Variants in RBM27 observed in about 807,000 individuals in gnomAD.
The protein encoded by RBM27 is RNA-binding protein 27.
In RBM27, 22 loss-of-function variants were observed where a neutral mutation model predicts 135.3. The observed-to-expected ratio is 0.16, with a 90% confidence interval of 0.12 to 0.23. RBM27 has a LOEUF of 0.23. Ranked by LOEUF, RBM27 falls within the 10% of genes least tolerant of loss-of-function variation. The pLI is 1.00. For missense variants in RBM27, 1,009 were observed against 1,281.0 expected (o/e 0.79, Z 3.24); for synonymous variants, 481 against 442.4 (o/e 1.09, Z -1.10).
chr5:146,281,821 A>T (rs1357233122), intron 19 of RBM27, among the ~76,000 whole-genome samples: 1 of 152,212 alleles, frequency 6.6e-6, no homozygotes, highest in Non-Finnish European at 1.5e-5. Context: ...ATATTAGAGT[A>T]GTATTCTGCC....
intron 13 of RBM27, among the ~76,000 whole-genome samples, chr5:146,263,162 G>T (rs1209853388): frequency 1.3e-5 from 2 of 152,118 alleles, no homozygotes; most frequent in African/African-American, 4.8e-5. Context: ...GGGATTATAT[G>T]TGTGAGCCAC....
chr5:146,228,861 CCTGGACCTCGTAAAATGTT>C lies in RBM27; in HGVS notation c.304-84_304-66del, dbSNP rs958834088. 7 of 1,066,758 alleles carry C rather than the reference CCTGGACCTCGTAAAATGTT, an allele frequency of 6.6e-6. No individual in the cohort carries two copies. The Admixed American group carries it at 1.3e-4, about 21-fold the overall frequency. 66.1% of individuals were successfully genotyped at this position (1,066,758 alleles called of 1,614,324 possible). A position where few individuals can be genotyped will look rare whatever the true frequency, so the allele number is the denominator to read the frequency against. On this transcript the variant is annotated intron_variant, in intron 3 of 20. Transcript: ENST00000265271. ...ATCCTGGCCTCAAGCAGTCTTCCCA[CCTGGACCTCGTAAAATGTT>C]GGGATTACAGGTGTGAGCCACCGTG...
At chr5:146,219,219 A>T (rs150605270) in intron 2 of RBM27, 116 bp downstream of exon 2, 2 of 638,852 alleles carry the variant, frequency 3.1e-6, no homozygotes, top group African/African-American at 1.8e-5. Flanking sequence ...AGTCCTTTGA[A>T]TACTTGAATA....
intron 9 of RBM27, 127 bp from the exon 10 acceptor site, chr5:146,254,816 T>C: frequency 1.3e-6 from 1 of 799,832 alleles, no homozygotes; most frequent in Non-Finnish European, 1.9e-6. Flanking sequence ...TACTGAGAGG[T>C]GACTGTAGGT....
intron 8 of RBM27, among the ~76,000 whole-genome samples, chr5:146,251,399 A>G (rs1383073951): frequency 6.6e-6 from 1 of 152,188 alleles, no homozygotes; most frequent in Non-Finnish European, 1.5e-5. Flanking sequence ...CCTTTGTCTA[A>G]TAACCTGATA....
chr5:146,248,235 T>TA (rs1757716717), intron 8 of RBM27, among the ~76,000 whole-genome samples: 1 of 54,884 alleles, frequency 1.8e-5, no homozygotes, highest in Admixed American at 2.0e-4. Flanking sequence ...CTTCTGCTAG[T>TA]TTTTTTTTTT....
At chr5:146,212,456 C>G (rs1176048251) in intron 1 of RBM27, among the ~76,000 whole-genome samples, 4 of 151,688 alleles carry the variant, frequency 2.6e-5, no homozygotes, top group African/African-American at 9.7e-5. Flanking sequence ...TCAGACAATC[C>G]TCCCACTTCA....
Position 146,271,543 on chromosome 5 carries a change from G to A in RBM27, c.2857G>A (p.Gly953Arg), listed in dbSNP as rs144987854. ...AAAGACCATGTCCTCTCAAGGTCGAGGAAGAGGCCGAGGGCGTGGAGGAAG... is the reference window on the plus strand; with the variant it reads ...AAAGACCATGTCCTCTCAAGGTCGAAGAAGAGGCCGAGGGCGTGGAGGAAG... ...RGKTMSSQGRGRGRGRGGRGR... is the reference protein window; with the variant it reads ...RGKTMSSQGRRRGRGRGGRGR... Residue 953 changes from glycine to arginine, a missense_variant, in exon 19 of 21, where the codon GGA becomes AGA. Around this residue, in one of 6 missense-constraint regions of RBM27, gnomAD observed 355 missense variants for 427.3 expected, o/e 0.83. Transcript: ENST00000265271. 6.2e-7 allele frequency: 1 copy of A among 1,613,792 alleles called. No homozygotes were observed. Among genetic ancestry groups the A allele is most frequent in the Non-Finnish European group, 8.5e-7 (1 of 1,179,780 alleles).
intron 7 of RBM27, 89 bp downstream of exon 7, chr5:146,233,832 T>A (rs1207586419): frequency 2.2e-6 from 2 of 896,370 alleles, no homozygotes; most frequent in Non-Finnish European, 3.1e-6. Flanking sequence ...TTTAAAGTGT[T>A]TGAGAAATAG....
At chr5:146,275,292 C>T (rs750426026) in intron 19 of RBM27, among the ~76,000 whole-genome samples, 37 of 151,346 alleles carry the variant, frequency 2.4e-4, no homozygotes, top group Admixed American at 7.2e-4. Flanking sequence ...TTTTTGGAGA[C>T]GGAGTCTTGC....
chr5:146,223,824 A>G (rs1445960427), intron 3 of RBM27, among the ~76,000 whole-genome samples: 1 of 152,222 alleles, frequency 6.6e-6, no homozygotes, highest in African/African-American at 2.4e-5. Context: ...AGATTGACTG[A>G]AAGTGAACTG....
chr5:146,234,516 A>AT (rs201639574), intron 7 of RBM27, among the ~76,000 whole-genome samples: 389 of 4,908 alleles, frequency 0.079, 3 homozygotes, highest in Non-Finnish European at 0.2. Context: ...TGTTTTTGTT[A>AT]TTTAAAAAAA....
At position 146,258,488 on chromosome 5, in the gene RBM27, T is replaced by C. The variant is rs578261741; in HGVS notation, c.1634T>C (p.Val545Ala). 6.2e-7 allele frequency: 1 copy of C among 1,602,398 alleles called. No homozygotes were observed. Among genetic ancestry groups the C allele is most frequent in the East Asian group, 2.3e-5 (1 of 44,106 alleles). Residue 545 changes from valine (V) to alanine (A), a missense_variant, in exon 11 of 21, where the codon GTT becomes GCT. Physicochemically the swap from Val to Ala is moderately conservative, Grantham distance 64 (BLOSUM62 0). Transcript: ENST00000265271. Reference sequence around the variant, plus strand: ...ATCCAGACTGAACCACCAGTTCCTGTTTCGATTAATAGCAACATAACCAGA... The same window carrying C: ...ATCCAGACTGAACCACCAGTTCCTGCTTCGATTAATAGCAACATAACCAGA... The part of the protein sequence containing the change: ...IVIQTEPPVP[V>A]SINSNITRVV...
At chr5:146,213,545 A>G (rs1212623943) in intron 1 of RBM27, among the ~76,000 whole-genome samples, 1 of 152,200 alleles carries the variant, frequency 6.6e-6, no homozygotes, top group East Asian at 1.9e-4. Context: ...TTAGATCCAT[A>G]TTCAGAAACA....
chr5:146,233,600 C>A lies in RBM27; in HGVS notation c.1001C>A (p.Pro334His). The A allele has an allele frequency of 6.2e-7, 1 of 1,611,872 alleles. No homozygotes were observed. Among genetic ancestry groups the A allele is most frequent in the South Asian group, 1.1e-5 (1 of 90,948 alleles). ...CCACCACCTCCTGGAATGTTAATGC[C>A]TCCAATGCCAGGTCCAGGCCCAGGC... The part of the protein sequence containing the change: ...PPPPPPGMLM[P>H]PMPGPGPGPG... The change falls in exon 7 of 21, where the codon CCT becomes CAT. Residue 334 changes from proline to histidine, a missense_variant. Pro to His is a moderately conservative substitution (Grantham distance 77). This residue lies in a region of RBM27 where 329 missense variants were observed against 368.1 expected (regional missense o/e 0.89). Transcript: ENST00000265271.
chr5:146,276,846 G>T (rs1481336033), intron 19 of RBM27, among the ~76,000 whole-genome samples: 1 of 152,128 alleles, frequency 6.6e-6, no homozygotes. Context: ...CTTGAGCCCA[G>T]AAGTTCAAGA....
chr5:146,246,586 G>A (rs868216180), intron 8 of RBM27, among the ~76,000 whole-genome samples: 3 of 152,234 alleles, frequency 2.0e-5, no homozygotes, highest in South Asian at 2.1e-4. Context: ...CTGAGGCAGG[G>A]GAAGATACCT....
chr5:146,257,323 T>C (rs749226988), intron 10 of RBM27, among the ~76,000 whole-genome samples: 4 of 152,238 alleles, frequency 2.6e-5, no homozygotes, highest in Non-Finnish European at 5.9e-5. Flanking sequence ...AGTACACGTC[T>C]TCCTACCCAC....
At position 146,280,092 on chromosome 5, in the gene RBM27, C is replaced by T. The variant is rs533046624; in HGVS notation, c.2989-4530C>T. ...TTTTTGGAGACAGAGTCTCAAGTCA[C>T]CTGTCACCCAGGCCGGAGTGCAGTG... On this transcript the variant is annotated intron_variant, in intron 19 of 20. Transcript: ENST00000265271. Among the ~76,000 whole-genome samples the T allele has an allele frequency of 1.1e-4, 17 of 151,062 alleles. 1 individual carries two copies. The East Asian group carries it at 3.1e-3, about 28-fold the overall frequency.
Sources: gnomAD v4.1 joint callset for allele counts (sites outside exome capture counted in the v4.1 genomes callset) on GRCh38, gnomAD v4.1.1 for gene constraint, gnomAD v4.1.1 regional missense constraint, MANE v1.5 for transcripts, NCBI Gene and HGNC (gene_info 2026-07-23, HGNC 2026-07-21) for gene names.